CSMD1: variants seen among roughly 807,000 people sequenced by gnomAD.
CSMD1 encodes the protein CUB and Sushi multiple domains 1.
In CSMD1, 213 loss-of-function variants were observed where a neutral mutation model predicts 417.5. The observed-to-expected ratio is 0.51, with a 90% CI of 0.46 to 0.57. CSMD1 has a LOEUF of 0.57. CSMD1 is among the 20% of genes least tolerant of loss of function. CSMD1 has a pLI of 0.00. For synonymous variants in CSMD1, 2,862 were observed against 1,736.8 expected, an observed-to-expected ratio of 1.65 and a Z score of -16.11; for missense variants, 6,923 against 4,529.7, an observed-to-expected ratio of 1.53 and a Z score of -15.17.
intron 5 of CSMD1, 59 bp downstream of exon 5, chr8:3,997,844 G>A (rs1213612907): frequency 1.1e-5 from 15 of 1,420,896 alleles, no homozygotes; most frequent in Non-Finnish European, 1.4e-5. Flanking sequence ...AAGCTCGTTG[G>A]GGGAAAAAAC....
Position 4,946,495 on chromosome 8 carries a change from C to T in CSMD1, c.85+47837G>A, listed in dbSNP as rs574926022. ...CTATGGAGACTACCCTCCCCAGGTA[C>T]AATATGACAGCCATCCCCCCAGCTG... On this transcript the variant is annotated intron_variant, in intron 1 of 69. Coordinates refer to ENST00000635120, the MANE Select transcript of CSMD1 (RefSeq NM_033225.6). Among the ~76,000 whole-genome samples, 234 of 152,176 alleles carry T rather than the reference C, an allele frequency of 1.5e-3. 1 individual carries two copies. Among genetic ancestry groups the T allele is most frequent in the African/African-American group, 5.5e-3 (227 of 41,516 alleles).
intron 19 of CSMD1, among the ~76,000 whole-genome samples, chr8:3,367,545 T>A (rs116797963): frequency 0.012 from 1,762 of 152,168 alleles, 37 homozygotes; most frequent in African/African-American, 0.04. Context: ...CAAGCCTTAA[T>A]CAAAATATTA....
At chr8:3,640,381 A>G (rs1029527513) in intron 7 of CSMD1, among the ~76,000 whole-genome samples, 1 of 152,234 alleles carries the variant, frequency 6.6e-6, no homozygotes, top group Non-Finnish European at 1.5e-5. Flanking sequence ...CAAATATTCA[A>G]TTATATCTTC....
intron 1 of CSMD1, among the ~76,000 whole-genome samples, chr8:4,890,702 T>C (rs1257303118): frequency 6.6e-6 from 1 of 152,172 alleles, no homozygotes; most frequent in African/African-American, 2.4e-5. Context: ...GGTTTTGTTC[T>C]GCATGTTATT....
In CSMD1 at chr8:4,767,444, C is replaced by T. The variant is rs117953384; in HGVS notation, c.86-129886G>A. On this transcript the variant is annotated intron_variant, in intron 1 of 69. Transcript: ENST00000635120. ...CATTAAAACATCATCCTGACCAATC[C>T]CGCACATAGCTCACTGGGGCTCTGC... is the stretch of plus-strand genomic sequence containing the variant. Among the ~76,000 whole-genome samples, 377 of 152,226 alleles carry T rather than the reference C, an allele frequency of 2.5e-3. 2 individuals carry two copies. Among genetic ancestry groups the T allele is most frequent in the Middle Eastern group, 0.01 (3 of 294 alleles).
At chr8:3,673,781 A>C (rs1376191389) in intron 7 of CSMD1, among the ~76,000 whole-genome samples, 1 of 152,168 alleles carries the variant, frequency 6.6e-6, no homozygotes, top group Non-Finnish European at 1.5e-5. Flanking sequence ...TGAAGGTGCA[A>C]ACCTACACTG....
intron 1 of CSMD1, among the ~76,000 whole-genome samples, chr8:4,960,867 T>G (rs1366810135): frequency 3.9e-5 from 6 of 152,156 alleles, no homozygotes; most frequent in Non-Finnish European, 7.4e-5. Flanking sequence ...AATAAAATGT[T>G]TATTTTTAAA....
chr8:3,427,506 T>C (rs1007703716), intron 12 of CSMD1, among the ~76,000 whole-genome samples: 3 of 152,160 alleles, frequency 2.0e-5, no homozygotes, highest in Admixed American at 1.3e-4. Context: ...GATGAAAATA[T>C]TTAATAAGGA....
intron 42 of CSMD1, among the ~76,000 whole-genome samples, chr8:3,111,775 T>G (rs1456706665): frequency 6.6e-6 from 1 of 152,016 alleles, no homozygotes; most frequent in Non-Finnish European, 1.5e-5. Context: ...GAGGGTGTAG[T>G]AAGCCGAGAT....
intron 3 of CSMD1, among the ~76,000 whole-genome samples, chr8:4,307,581 G>C (rs1305614379): frequency 6.6e-6 from 1 of 152,168 alleles, no homozygotes; most frequent in African/African-American, 2.4e-5. Context: ...TGTGTTTACA[G>C]AGTCCAGCCT....
chr8:4,096,167 G>A (rs1436950034), intron 3 of CSMD1, among the ~76,000 whole-genome samples: 1 of 152,122 alleles, frequency 6.6e-6, no homozygotes, highest in African/African-American at 2.4e-5. Flanking sequence ...CTGACTAAGA[G>A]ATCAGTTTTT....
chr8:3,710,422 A>C (rs1165509384), intron 6 of CSMD1, among the ~76,000 whole-genome samples: 1 of 152,150 alleles, frequency 6.6e-6, no homozygotes, highest in Non-Finnish European at 1.5e-5. Flanking sequence ...TCAATGCACC[A>C]TCTTTAGTAT....
At chr8:3,301,018 AAG>A (rs1804359408) in intron 25 of CSMD1, among the ~76,000 whole-genome samples, 1 of 151,750 alleles carries the variant, frequency 6.6e-6, no homozygotes, top group Non-Finnish European at 1.5e-5. Context: ...AACAAGCAAC[AAG>A]AGAGACAATG....
chr8:4,450,166 C>G (rs929809623), intron 2 of CSMD1, among the ~76,000 whole-genome samples: 1 of 152,066 alleles, frequency 6.6e-6, no homozygotes, highest in Non-Finnish European at 1.5e-5. Context: ...GGTTGATATA[C>G]GTAGAGTAAA....
rs113077940 is a variant in CSMD1, at chr8:4,265,886, C to A, written c.415+154067G>T. ...CATGGTGTCCCCACAGATAAAGATT[C>A]CCACACAAATCCAAAATAAAATGTG... On this transcript the variant is annotated intron_variant, in intron 3 of 69. Coordinates refer to ENST00000635120, the MANE Select transcript of CSMD1 (RefSeq NM_033225.6). 6.7e-5 allele frequency among the ~76,000 whole-genome samples: 7 copies of A among 104,468 alleles called. 3 individuals carry two copies. Among genetic ancestry groups the A allele is most frequent in the African/African-American group, 1.8e-4 (7 of 38,268 alleles). The allele number at this position is 104,468 out of a possible 152,430, so 68.5% of individuals were successfully genotyped here.
At chr8:3,932,358 T>G (rs1213827601) in intron 5 of CSMD1, among the ~76,000 whole-genome samples, 2 of 150,638 alleles carry the variant, frequency 1.3e-5, no homozygotes, top group Non-Finnish European at 3.0e-5. Context: ...ACTAGAGGAA[T>G]GAATATAGGC....
At chr8:3,194,521 G>C (rs1022303233) in intron 33 of CSMD1, among the ~76,000 whole-genome samples, 2 of 151,318 alleles carry the variant, frequency 1.3e-5, no homozygotes, top group Non-Finnish European at 2.9e-5. Flanking sequence ...ACAGTGGTGT[G>C]ATCTAGGCTC....
intron 1 of CSMD1, among the ~76,000 whole-genome samples, chr8:4,644,229 T>G (rs1281581679): frequency 6.6e-6 from 1 of 152,104 alleles, no homozygotes; most frequent in African/African-American, 2.4e-5. Flanking sequence ...TTCCCTTCCT[T>G]GAACACACCA....
intron 3 of CSMD1, among the ~76,000 whole-genome samples, chr8:4,033,130 GA>G (rs58668077): frequency 0.17 from 13,637 of 80,338 alleles, 704 homozygotes; most frequent in East Asian, 0.35. Context: ...TTTCCAATAT[GA>G]AAAAAAAAAA....
Sources: gnomAD v4.1 joint callset for allele counts (sites outside exome capture counted in the v4.1 genomes callset) on GRCh38, gnomAD v4.1.1 for gene constraint, MANE v1.5 for transcripts, NCBI Gene and HGNC (gene_info 2026-07-23, HGNC 2026-07-21) for gene names.